DLGAP1: variants seen among roughly 807,000 people sequenced by gnomAD.
DLGAP1 encodes the protein disks large-associated protein 1.
DLGAP1 carries 11 observed loss-of-function variants against 90.8 expected under a neutral mutation model. The ratio of observed to expected loss-of-function variants is 0.12; its 90% CI spans 0.08 to 0.20. DLGAP1 has a LOEUF of 0.20. Ranked by LOEUF, DLGAP1 falls within the 10% of genes least tolerant of loss-of-function variation. The pLI is 1.00. For missense variants in DLGAP1, 1,050 were observed against 1,333.8 expected (o/e 0.79, Z 3.31); for synonymous variants, 558 against 540.7 (o/e 1.03, Z -0.44).
intron 2 of DLGAP1, among the ~76,000 whole-genome samples, chr18:4,148,243 T>C (rs1308503001): frequency 1.3e-5 from 2 of 152,214 alleles, no homozygotes; most frequent in South Asian, 2.1e-4. Flanking sequence ...CTTGGAAGGC[T>C]TGAAAAAAAT....
At position 3,879,150 on chromosome 18, in the gene DLGAP1, C is replaced by T. The variant is rs376528545; in HGVS notation, c.919G>A (p.Glu307Lys). The change falls in exon 4 of 13, where the codon GAG (glutamate) becomes AAG (lysine). Residue 307 changes from glutamate to lysine, a missense_variant. Around this residue, in one of 2 missense-constraint regions of DLGAP1, gnomAD observed 485 missense variants for 454.1 expected, o/e 1.07. Coordinates refer to ENST00000315677, the MANE Select transcript of DLGAP1 (RefSeq NM_004746.4). This position sits in a 1 kb window ranked among gnomAD's most constrained non-coding sequence, Gnocchi z 6.6. ...CAGGAGCGTTCTTGCTGACACGACT[C>T]GGACTTCACCATGGCCTGGTCCATG... ...VNMDQAMVKSESCQQERSCQY... is the reference protein window; with the variant it reads ...VNMDQAMVKSKSCQQERSCQY... The T allele has an allele frequency of 6.6e-6, 10 of 1,509,316 alleles. No homozygotes were observed. In the African/African-American group the frequency reaches 7.0e-5, roughly 11 times the overall value. 93.5% of individuals were successfully genotyped at this position (1,509,316 alleles called of 1,614,324 possible).
chr18:4,431,397 C>A (rs114894084), intron 1 of DLGAP1, among the ~76,000 whole-genome samples: 2,404 of 152,206 alleles, frequency 0.016, 68 homozygotes, highest in African/African-American at 0.054. Flanking sequence ...ATTTATTATC[C>A]TACAAAGATT....
intron 9 of DLGAP1, among the ~76,000 whole-genome samples, chr18:3,558,693 C>A (rs1405444779): frequency 1.3e-5 from 2 of 152,172 alleles, no homozygotes; most frequent in African/African-American, 4.8e-5. Flanking sequence ...CTCCCACTTT[C>A]TTTTTATTAG....
At chr18:3,837,349 T>A (rs955284973) in intron 4 of DLGAP1, among the ~76,000 whole-genome samples, 3 of 152,200 alleles carry the variant, frequency 2.0e-5, no homozygotes, top group African/African-American at 4.8e-5. Context: ...CCCTTTCAGA[T>A]CCTTCCAGTT....
Position 4,202,483 on chromosome 18 carries a change from T to C in DLGAP1, c.-266-51196A>G, listed in dbSNP as rs536109585. Among the ~76,000 whole-genome samples the C allele has an allele frequency of 4.5e-4, 68 of 152,260 alleles. 1 individual carries two copies. The South Asian group carries it at 0.012, about 26-fold the overall frequency. ...AAAACCCCTTGTACCCCTAAAACTA[T>C]TGAAATAAAAATGTTTTGATTAGAA... On this transcript the variant is annotated intron_variant, in intron 1 of 12. Coordinates refer to ENST00000315677, the MANE Select transcript of DLGAP1 (RefSeq NM_004746.4).
At chr18:3,733,630 G>C (rs536031409) in intron 6 of DLGAP1, among the ~76,000 whole-genome samples, 46 of 152,270 alleles carry the variant, frequency 3.0e-4, no homozygotes, top group Admixed American at 5.2e-4. Context: ...TAATCCCGTT[G>C]TAAGTAGAGG....
intron 1 of DLGAP1, among the ~76,000 whole-genome samples, chr18:4,309,290 C>A (rs1243962122): frequency 2.0e-5 from 3 of 152,142 alleles, no homozygotes; most frequent in Admixed American, 2.0e-4. Flanking sequence ...ATGGAAAGAG[C>A]GCACATAGCA....
chr18:3,845,761 C>T (rs1371177821), intron 4 of DLGAP1, among the ~76,000 whole-genome samples: 1 of 152,186 alleles, frequency 6.6e-6, no homozygotes. Flanking sequence ...GATGGAAAGA[C>T]AGATGCCTTT....
intron 5 of DLGAP1, among the ~76,000 whole-genome samples, chr18:3,797,362 C>G (rs2148290275): frequency 6.6e-6 from 1 of 151,156 alleles, no homozygotes; most frequent in Middle Eastern, 3.4e-3. Context: ...CTCAAGAGCT[C>G]TCTCTCTGTC....
intron 4 of DLGAP1, among the ~76,000 whole-genome samples, chr18:3,876,018 T>C (rs1042239642): frequency 7.5e-6 from 1 of 134,032 alleles, no homozygotes; most frequent in African/African-American, 3.0e-5. Context: ...ATTAAGGCAA[T>C]AGAGCTGAAA....
chr18:3,521,216 A>G (rs1160027585), intron 10 of DLGAP1, among the ~76,000 whole-genome samples: 1 of 152,180 alleles, frequency 6.6e-6, no homozygotes, highest in Non-Finnish European at 1.5e-5. Flanking sequence ...TTAGGGGTAC[A>G]AGGCTTGATC....
intron 1 of DLGAP1, among the ~76,000 whole-genome samples, chr18:4,250,175 C>T (rs2078751328): frequency 6.6e-6 from 1 of 152,158 alleles, no homozygotes; most frequent in African/African-American, 2.4e-5. Flanking sequence ...CTCCAAGATA[C>T]TTTCTCTTCC....
chr18:3,523,086 A>G (rs1302215523), intron 10 of DLGAP1, among the ~76,000 whole-genome samples: 1 of 152,112 alleles, frequency 6.6e-6, no homozygotes, highest in African/African-American at 2.4e-5. Flanking sequence ...TCAGCAAAAT[A>G]AAAAGGCCAG....
Position 3,831,063 on chromosome 18 carries a change from T to C in DLGAP1, c.958-16790A>G, listed in dbSNP as rs144701132. 2.7e-3 allele frequency among the ~76,000 whole-genome samples: 413 copies of C among 152,264 alleles called. 3 individuals are homozygous for C. The highest frequency in any genetic ancestry group is 8.7e-3 in the African/African-American group (362 of 41,556). On this transcript the variant is annotated intron_variant, in intron 4 of 12. Coordinates refer to ENST00000315677, the MANE Select transcript of DLGAP1 (RefSeq NM_004746.4). Reference sequence around the variant, plus strand: ...CAAACAGGGATCATGGAGGAACACATCTCCGTGCACGAAGTTGCTGGTGCA... The same window carrying C: ...CAAACAGGGATCATGGAGGAACACACCTCCGTGCACGAAGTTGCTGGTGCA...
At chr18:4,092,347 A>G (rs185765450) in intron 2 of DLGAP1, among the ~76,000 whole-genome samples, 11 of 152,242 alleles carry the variant, frequency 7.2e-5, no homozygotes, top group South Asian at 6.2e-4. Context: ...TGGCCCCCCA[A>G]TAGTCTTAGG....
At chr18:4,352,062 G>A (rs540019619) in intron 1 of DLGAP1, among the ~76,000 whole-genome samples, 1 of 152,192 alleles carries the variant, frequency 6.6e-6, no homozygotes, top group South Asian at 2.1e-4. Flanking sequence ...AGAAAAGCTC[G>A]CATAAACTTT....
At chr18:4,365,942 G>A (rs368768585) in intron 1 of DLGAP1, among the ~76,000 whole-genome samples, 4 of 151,988 alleles carry the variant, frequency 2.6e-5, no homozygotes, top group East Asian at 1.9e-4. Flanking sequence ...TGTTATCAGC[G>A]TAAACTTGTC....
At chr18:4,170,747 C>A (rs1456252172) in intron 1 of DLGAP1, among the ~76,000 whole-genome samples, 1 of 152,110 alleles carries the variant, frequency 6.6e-6, no homozygotes, top group Non-Finnish European at 1.5e-5. Context: ...AATAACCTTA[C>A]TTATTTAAAT....
chr18:3,595,014 C>T (rs1368898227), intron 7 of DLGAP1, among the ~76,000 whole-genome samples: 1 of 152,140 alleles, frequency 6.6e-6, no homozygotes, highest in Non-Finnish European at 1.5e-5. Flanking sequence ...CACCTCAAAG[C>T]TTTTATCTCT....
Sources: allele counts gnomAD v4.1 joint callset (sites outside exome capture counted in the v4.1 genomes callset), GRCh38; gene constraint gnomAD v4.1.1; regional missense constraint gnomAD v4.1.1; non-coding constraint Gnocchi (gnomAD v3.1); transcripts MANE v1.5; gene names NCBI Gene and HGNC (gene_info 2026-07-23, HGNC 2026-07-21).